Variants in DIAPH3 observed in about 807,000 individuals in gnomAD.
The protein encoded by DIAPH3 is diaphanous related formin 3, also known as protein diaphanous homolog 3.
DIAPH3 carries 117 observed loss-of-function variants against 144.3 expected under a neutral mutation model. The ratio of observed to expected loss-of-function variants is 0.81; its 90% CI spans 0.70 to 0.95. The LOEUF (loss-of-function observed/expected upper bound fraction) is 0.95. DIAPH3 is among the 40% of genes least tolerant of loss of function. The pLI is 0.00. For missense variants in DIAPH3, 1,421 were observed against 1,412.7 expected, an observed-to-expected ratio of 1.01 and a Z score of -0.09; for synonymous variants, 519 against 488.9, an observed-to-expected ratio of 1.06 and a Z score of -0.81.
At chr13:59,877,338 A>C (rs1006655633) in intron 21 of DIAPH3, among the ~76,000 whole-genome samples, 2 of 152,004 alleles carry the variant, frequency 1.3e-5, no homozygotes, top group Non-Finnish European at 2.9e-5. Context: ...TTACCTTCTC[A>C]GTTTGGTTTC....
At chr13:60,010,112 T>G (rs2053144689) in intron 8 of DIAPH3, among the ~76,000 whole-genome samples, 1 of 151,754 alleles carries the variant, frequency 6.6e-6, no homozygotes, top group South Asian at 2.1e-4. Context: ...TAATCTGCCT[T>G]ATATATAGAT....
chr13:59,889,798 C>T (rs2045675534), intron 20 of DIAPH3, among the ~76,000 whole-genome samples: 1 of 152,052 alleles, frequency 6.6e-6, no homozygotes, highest in South Asian at 2.1e-4. Flanking sequence ...GTATAGTTCA[C>T]TATAAACTTT....
chr13:59,881,335 A>T (rs1196171053), intron 20 of DIAPH3, among the ~76,000 whole-genome samples: 1 of 152,266 alleles, frequency 6.6e-6, no homozygotes, highest in Admixed American at 6.5e-5. Context: ...AGTTATGGCC[A>T]TTCTGAAGGT....
At chr13:59,770,907 A>G (rs919352282) in intron 27 of DIAPH3, among the ~76,000 whole-genome samples, 2 of 152,154 alleles carry the variant, frequency 1.3e-5, no homozygotes, top group Non-Finnish European at 2.9e-5. Context: ...TTTAGCACAT[A>G]CTTCATTTCT....
chr13:59,713,206 T>C (rs1009096568), intron 27 of DIAPH3, among the ~76,000 whole-genome samples: 1 of 151,314 alleles, frequency 6.6e-6, no homozygotes, highest in Non-Finnish European at 1.5e-5. Context: ...ACATATTTGC[T>C]CAACAAATAC....
rs1475092096 is a variant in DIAPH3, at chr13:60,163,750, G to T, written c.17C>A (p.Pro6Gln). 6.3e-6 allele frequency: 10 copies of T among 1,593,826 alleles called. No homozygotes were observed. The highest frequency in any genetic ancestry group is 3.5e-5 in the Admixed American group (2 of 56,964). ...GCCTTGGGCCGGGTGGTGCAGCCGC[G>T]GCTGGTGCCGTTCCATCTTTCCCCG... MERHQPRLHHPAQGSA... is the reference protein window; with the variant it reads MERHQQRLHHPAQGSA... The change falls in exon 1 of 28, where the codon CCG becomes CAG. Residue 6 changes from proline (P) to glutamine (Q), a missense_variant. By Grantham distance (76) the Pro-to-Gln change is moderately conservative. Coordinates refer to ENST00000400324, the MANE Select transcript of DIAPH3 (RefSeq NM_001042517.2).
intron 3 of DIAPH3, among the ~76,000 whole-genome samples, chr13:60,095,614 GT>G (rs78368630): frequency 5.3e-4 from 76 of 143,568 alleles, no homozygotes; most frequent in South Asian, 8.9e-4. Flanking sequence ...TGTTTTTTGT[GT>G]TTTTTTTTTT....
At chr13:60,122,487 C>A (rs1480429953) in intron 2 of DIAPH3, among the ~76,000 whole-genome samples, 1 of 152,066 alleles carries the variant, frequency 6.6e-6, no homozygotes, top group Non-Finnish European at 1.5e-5. Flanking sequence ...TCACTAAACC[C>A]CCTCTGAACT....
intron 23 of DIAPH3, 59 bp downstream of exon 23, chr13:59,839,265 A>C (rs1279968592): frequency 2.9e-5 from 46 of 1,597,786 alleles, no homozygotes; most frequent in Non-Finnish European, 3.5e-5. Context: ...CTAAAATATT[A>C]AATAAATTGT....
At chr13:59,679,084 T>G (rs994701620) in intron 27 of DIAPH3, among the ~76,000 whole-genome samples, 6 of 152,210 alleles carry the variant, frequency 3.9e-5, no homozygotes, top group African/African-American at 1.2e-4. Context: ...TGAACCTTTA[T>G]TTTAAAGATG....
intron 17 of DIAPH3, among the ~76,000 whole-genome samples, chr13:59,945,852 A>G (rs893484119): frequency 6.6e-6 from 1 of 152,186 alleles, no homozygotes; most frequent in African/African-American, 2.4e-5. Context: ...TTTCCATAAC[A>G]ATTATAATTT....
chr13:59,739,842 CTG>C (rs2036356139), intron 27 of DIAPH3, among the ~76,000 whole-genome samples: 1 of 152,088 alleles, frequency 6.6e-6, no homozygotes, highest in Non-Finnish European at 1.5e-5. Flanking sequence ...ATTCAACTAA[CTG>C]TGATTCAAAT....
intron 3 of DIAPH3, among the ~76,000 whole-genome samples, chr13:60,095,041 T>TTG (rs10665515): frequency 0.56 from 84,343 of 151,820 alleles, 23,958 homozygotes; most frequent in Admixed American, 0.61. Flanking sequence ...GGCATGTTAG[T>TTG]TGTCACAATA....
intron 5 of DIAPH3, among the ~76,000 whole-genome samples, chr13:60,023,089 T>C (rs1054476734): frequency 6.6e-6 from 1 of 152,218 alleles, no homozygotes; most frequent in Non-Finnish European, 1.5e-5. Flanking sequence ...TCTGCTCTGC[T>C]ATTTTCTGGA....
Position 59,751,610 on chromosome 13 carries a change from A to G in DIAPH3, c.3319+22579T>C, listed in dbSNP as rs1333817059. 7.9e-5 allele frequency among the ~76,000 whole-genome samples: 12 copies of G among 152,334 alleles called. No homozygotes were observed. In the East Asian group the frequency reaches 2.3e-3, roughly 29 times the overall value. On this transcript the variant is annotated intron_variant, in intron 27 of 27. Transcript: ENST00000400324. ...TTGCTTCATTACACCTGGATATTCA[A>G]TCAACCTCTGGATGTCTGTAATTGT... is the stretch of plus-strand genomic sequence containing the variant.
chr13:59,879,163 C>A, intron 21 of DIAPH3, 66 bp downstream of exon 21: 1 of 1,599,780 alleles, frequency 6.3e-7, no homozygotes, highest in Middle Eastern at 1.7e-4. Context: ...TTAAATAATG[C>A]AATCAGGGCT....
At chr13:59,979,809 T>A (rs1057276860) in intron 14 of DIAPH3, among the ~76,000 whole-genome samples, 1 of 151,670 alleles carries the variant, frequency 6.6e-6, no homozygotes, top group Admixed American at 6.6e-5. Flanking sequence ...ACTTCGTAAA[T>A]GTTTGCTGTG....
chr13:59,763,884 A>G (rs1208858466), intron 27 of DIAPH3, among the ~76,000 whole-genome samples: 1 of 152,110 alleles, frequency 6.6e-6, no homozygotes, highest in Admixed American at 6.5e-5. Context: ...TTTTGTGTGA[A>G]TAAGTAAGTT....
intron 5 of DIAPH3, among the ~76,000 whole-genome samples, chr13:60,016,478 A>G (rs1037986141): frequency 6.6e-6 from 1 of 152,166 alleles, no homozygotes; most frequent in African/African-American, 2.4e-5. Context: ...AACCAATCAG[A>G]GCCTCCCCCA....
Sources: allele counts gnomAD v4.1 joint callset (sites outside exome capture counted in the v4.1 genomes callset), GRCh38; gene constraint gnomAD v4.1.1; transcripts MANE v1.5; gene names NCBI Gene and HGNC (gene_info 2026-07-23, HGNC 2026-07-21).